Variants in MDGA2 observed in about 807,000 individuals in gnomAD.
The protein encoded by MDGA2 is MAM domain containing glycosylphosphatidylinositol anchor 2, also known as MAM domain-containing glycosylphosphatidylinositol anchor protein 2.
MDGA2 carries 40 observed loss-of-function variants against 117.8 expected under a neutral mutation model. That is an observed-to-expected ratio of 0.34 (90% CI 0.26 to 0.44). The LOEUF (loss-of-function observed/expected upper bound fraction) is 0.44. Ranked by LOEUF, MDGA2 falls within the 20% of genes least tolerant of loss-of-function variation. The pLI is 1.00. For missense variants in MDGA2, 1,123 were observed against 1,250.6 expected (o/e 0.90, Z 1.54); for synonymous variants, 452 against 439.0 (o/e 1.03, Z -0.37).
At chr14:47,154,308 A>G (rs1380306744) in intron 3 of MDGA2, among the ~76,000 whole-genome samples, 1 of 152,176 alleles carries the variant, frequency 6.6e-6, no homozygotes, top group Admixed American at 6.5e-5. Flanking sequence ...CCCCATTTGG[A>G]GTGGCTGCTG....
chr14:46,869,529 T>C (rs868605836), intron 14 of MDGA2, among the ~76,000 whole-genome samples: 4 of 151,932 alleles, frequency 2.6e-5, no homozygotes, highest in Non-Finnish European at 4.4e-5. Flanking sequence ...AGTTTTCATT[T>C]GGAAACATGT....
intron 2 of MDGA2, among the ~76,000 whole-genome samples, chr14:47,294,236 C>T (rs1888987097): frequency 6.6e-6 from 1 of 150,694 alleles, no homozygotes; most frequent in Non-Finnish European, 1.5e-5. Flanking sequence ...GCTGGAACTA[C>T]AGGCAAATGT....
At chr14:47,017,299 GAA>G (rs751800979) in intron 8 of MDGA2, among the ~76,000 whole-genome samples, 1 of 112,914 alleles carries the variant, frequency 8.9e-6, no homozygotes, top group African/African-American at 3.2e-5. Flanking sequence ...GGCCCACATT[GAA>G]AAAAAAAAAA....
chr14:47,083,789 TGTA>T (rs1890793603), intron 6 of MDGA2, among the ~76,000 whole-genome samples: 2 of 152,026 alleles, frequency 1.3e-5, no homozygotes, highest in South Asian at 2.1e-4. Context: ...GGCTAGATAA[TGTA>T]GACTTTAGGG....
chr14:47,005,991 A>T (rs987483238), intron 8 of MDGA2, among the ~76,000 whole-genome samples: 3 of 151,678 alleles, frequency 2.0e-5, no homozygotes, highest in Non-Finnish European at 4.4e-5. Flanking sequence ...AGAGGATTAC[A>T]CTTTTCAGAA....
intron 5 of MDGA2, among the ~76,000 whole-genome samples, chr14:47,112,783 T>A (rs983156496): frequency 6.6e-6 from 1 of 152,174 alleles, no homozygotes; most frequent in Non-Finnish European, 1.5e-5. Context: ...GGTCAAATGG[T>A]ATTTCTGGTT....
chr14:47,133,459 C>T (rs745645856), intron 4 of MDGA2, among the ~76,000 whole-genome samples: 2 of 151,924 alleles, frequency 1.3e-5, no homozygotes, highest in Non-Finnish European at 2.9e-5. Flanking sequence ...CCTCTCAATA[C>T]GACTAGTGTT....
At chr14:46,874,285 C>A in intron 12 of MDGA2, 85 bp from the exon 13 acceptor site, 1 of 627,222 alleles carries the variant, frequency 1.6e-6, no homozygotes, top group Non-Finnish European at 2.3e-6. Flanking sequence ...TAAAATATTA[C>A]ATAGCAATAA....
intron 1 of MDGA2, among the ~76,000 whole-genome samples, chr14:47,630,942 A>G (rs1897241979): frequency 6.6e-6 from 1 of 152,202 alleles, no homozygotes; most frequent in South Asian, 2.1e-4. Flanking sequence ...AGTGAGGTTA[A>G]GCCCTGTTAT....
At chr14:47,604,271 T>C (rs189753508) in intron 1 of MDGA2, among the ~76,000 whole-genome samples, 258 of 152,076 alleles carry the variant, frequency 1.7e-3, no homozygotes, top group Non-Finnish European at 2.9e-3. Flanking sequence ...TCCCTTTCTC[T>C]CCCCTCCACC....
chr14:46,899,426 T>C lies in MDGA2; in HGVS notation c.2239-17205A>G, dbSNP rs375724406. ...TTTGTACCATTCACTTTCTATTTGA[T>C]TCTTGAACTCAGGTGGTTAGAAAGA... On this transcript the variant is annotated intron_variant, in intron 10 of 16. Coordinates refer to ENST00000399232, the MANE Select transcript of MDGA2 (RefSeq NM_001113498.3). Among the ~76,000 whole-genome samples the C allele has an allele frequency of 1.3e-3, 193 of 152,174 alleles. 2 individuals are homozygous for C. Among genetic ancestry groups the C allele is most frequent in the African/African-American group, 4.5e-3 (185 of 41,554 alleles).
intron 5 of MDGA2, among the ~76,000 whole-genome samples, chr14:47,115,073 T>A (rs1417347628): frequency 6.6e-6 from 1 of 151,820 alleles, no homozygotes; most frequent in African/African-American, 2.4e-5. Context: ...ACAAAAGTGA[T>A]CAACATTCTG....
intron 1 of MDGA2, among the ~76,000 whole-genome samples, chr14:47,583,253 AT>A (rs1896262040): frequency 6.6e-6 from 1 of 151,818 alleles, no homozygotes; most frequent in African/African-American, 2.4e-5. Context: ...GAATGGCTAG[AT>A]TAGACTGTAT....
In MDGA2 at chr14:47,101,817, G is replaced by C. The variant is rs1880340599; in HGVS notation, c.926-4694C>G. 2.0e-5 allele frequency among the ~76,000 whole-genome samples: 3 copies of C among 152,050 alleles called. No individual in the cohort carries two copies. The South Asian group carries it at 6.2e-4, about 32-fold the overall frequency. ...GTTATGGCAGAATAAAGAGTTGAAA[G>C]AAAAAATAATACTGAATTATGACAT... On this transcript the variant is annotated intron_variant, in intron 5 of 16. Transcript: ENST00000399232.
intron 3 of MDGA2, among the ~76,000 whole-genome samples, chr14:47,187,926 T>C (rs535740611): frequency 4.6e-5 from 7 of 152,158 alleles, no homozygotes; most frequent in Admixed American, 2.6e-4. Flanking sequence ...GTTGTGTGTG[T>C]GTGTGTGTGT....
chr14:46,998,535 T>C (rs1429070679), intron 8 of MDGA2, among the ~76,000 whole-genome samples: 3 of 152,130 alleles, frequency 2.0e-5, no homozygotes, highest in Admixed American at 2.0e-4. Flanking sequence ...CATTTCTGAA[T>C]CCAGTATGAG....
chr14:47,366,405 G>A (rs999572820), intron 1 of MDGA2, among the ~76,000 whole-genome samples: 14 of 151,974 alleles, frequency 9.2e-5, no homozygotes, highest in African/African-American at 2.9e-4. Context: ...AATTTCCTTA[G>A]AGAGTTGATT....
chr14:47,224,652 A>G (rs1433675767), intron 2 of MDGA2, among the ~76,000 whole-genome samples: 1 of 152,172 alleles, frequency 6.6e-6, no homozygotes, highest in African/African-American at 2.4e-5. Flanking sequence ...TTAGCATTAA[A>G]AGAATCCTTG....
intron 1 of MDGA2, among the ~76,000 whole-genome samples, chr14:47,661,892 C>T (rs10140115): frequency 0.26 from 38,883 of 151,452 alleles, 5,995 homozygotes; most frequent in South Asian, 0.45. Context: ...CCCGCCACTA[C>T]GCCCGGCTAA....
Sources: gnomAD v4.1 joint callset for allele counts (sites outside exome capture counted in the v4.1 genomes callset) on GRCh38, gnomAD v4.1.1 for gene constraint, MANE v1.5 for transcripts, NCBI Gene and HGNC (gene_info 2026-07-23, HGNC 2026-07-21) for gene names.